PI4KA: variants seen among roughly 807,000 people sequenced by gnomAD.
The protein encoded by PI4KA is PI4-kinase alpha.
In PI4KA, 122 loss-of-function variants were observed where a neutral mutation model predicts 271.4. The ratio of observed to expected loss-of-function variants is 0.45; its 90% CI spans 0.39 to 0.52. PI4KA has a LOEUF of 0.52. Ranked by LOEUF, PI4KA falls within the 20% of genes least tolerant of loss-of-function variation. The pLI is 0.00. For missense variants in PI4KA, 1,969 were observed against 2,769.1 expected, an observed-to-expected ratio of 0.71 and a Z score of 6.48; for synonymous variants, 1,041 against 1,078.8, an observed-to-expected ratio of 0.96 and a Z score of 0.69.
intron 3 of PI4KA, among the ~76,000 whole-genome samples, chr22:20,825,600 A>G (rs1441159565): frequency 6.6e-6 from 1 of 152,180 alleles, no homozygotes; most frequent in East Asian, 1.9e-4. Context: ...CTGTCTCAAA[A>G]AAACAAAAAA....
intron 1 of PI4KA, among the ~76,000 whole-genome samples, chr22:20,853,318 C>A (rs165707): frequency 0.38 from 57,805 of 151,964 alleles, 11,491 homozygotes; most frequent in African/African-American, 0.48. Flanking sequence ...GAGACACAAA[C>A]AGGCCACTGA....
intron 1 of PI4KA, among the ~76,000 whole-genome samples, chr22:20,848,237 CAAAAAAAAAAA>C (rs60503165): frequency 2.0e-4 from 10 of 51,244 alleles, no homozygotes; most frequent in African/African-American, 7.0e-4. Flanking sequence ...GACTCCATCT[CAAAAAAAAAAA>C]AAAAAAAAAA....
chr22:20,820,682 G>T, intron 4 of PI4KA, 71 bp from the exon 5 acceptor site: 1 of 1,037,560 alleles, frequency 9.6e-7, no homozygotes, highest in Non-Finnish European at 1.5e-6. Flanking sequence ...AACTAAGTCA[G>T]AATTAGAAGG....
chr22:20,856,857 C>G (rs1927661217), intron 1 of PI4KA, among the ~76,000 whole-genome samples: 1 of 152,216 alleles, frequency 6.6e-6, no homozygotes, highest in South Asian at 2.1e-4. Context: ...GTGCCCTTTT[C>G]TGAGTTACTG....
At chr22:20,786,873 A>G in intron 19 of PI4KA, 1 of 1,614,152 alleles carries the variant, frequency 6.2e-7, no homozygotes, top group Non-Finnish European at 8.5e-7. Context: ...CTTTCCAAAC[A>G]GTTCAAGCAC....
chr22:20,769,437 A>C (rs760728365), intron 19 of PI4KA, among the ~76,000 whole-genome samples: 11 of 152,222 alleles, frequency 7.2e-5, no homozygotes, highest in Non-Finnish European at 1.2e-4. Context: ...TGGGAGGCCA[A>C]GACAGGCAGA....
intron 32 of PI4KA, among the ~76,000 whole-genome samples, chr22:20,739,237 T>G (rs1929108561): frequency 6.7e-6 from 1 of 150,190 alleles, no homozygotes; most frequent in African/African-American, 2.5e-5. Flanking sequence ...TCTCAGCTAC[T>G]CGGGAGGCTG....
At chr22:20,779,364 TG>T in intron 19 of PI4KA, 1 of 1,614,128 alleles carries the variant, frequency 6.2e-7, no homozygotes, top group Non-Finnish European at 8.5e-7. Context: ...AACATCTGCG[TG>T]GGGTGGGAGC....
At chr22:20,763,638 C>A (rs1006966483) in intron 22 of PI4KA, among the ~76,000 whole-genome samples, 5 of 152,150 alleles carry the variant, frequency 3.3e-5, no homozygotes, top group Non-Finnish European at 7.3e-5. Flanking sequence ...TGGGGTTTCA[C>A]CACGTTGGCC....
chr22:20,733,430 T>G (rs1928304569), intron 35 of PI4KA, among the ~76,000 whole-genome samples: 1 of 149,166 alleles, frequency 6.7e-6, no homozygotes, highest in African/African-American at 2.5e-5. Context: ...TTTGCAATTC[T>G]TCGTGCAATA....
chr22:20,747,191 T>C (rs1405871848), intron 29 of PI4KA, among the ~76,000 whole-genome samples: 2 of 152,226 alleles, frequency 1.3e-5, no homozygotes, highest in African/African-American at 4.8e-5. Flanking sequence ...GTTCAGCACC[T>C]GCAGAAAACA....
chr22:20,800,590 C>T (rs772672663), intron 14 of PI4KA, among the ~76,000 whole-genome samples: 34 of 151,388 alleles, frequency 2.2e-4, no homozygotes, highest in Non-Finnish European at 3.5e-4. Context: ...TAGCCAGGCA[C>T]GGTGGCTCAC....
chr22:20,729,589 G>T, intron 38 of PI4KA, 43 bp downstream of exon 38: 1 of 1,551,724 alleles, frequency 6.4e-7, no homozygotes, highest in Non-Finnish European at 8.7e-7. Context: ...TGTCGTACAG[G>T]CAGGTGGCGG....
intron 14 of PI4KA, 47 bp from the exon 15 acceptor site, chr22:20,799,813 T>C (rs1214461836): frequency 3.2e-6 from 4 of 1,247,024 alleles, no homozygotes; most frequent in East Asian, 2.6e-5. Context: ...CAAACCAAGA[T>C]AGGTTTTTTG....
At chr22:20,740,398 G>A (rs1929283097) in intron 32 of PI4KA, among the ~76,000 whole-genome samples, 1 of 149,584 alleles carries the variant, frequency 6.7e-6, no homozygotes, top group Non-Finnish European at 1.5e-5. Flanking sequence ...AAAAGGAGAA[G>A]AGAGAGAGAA....
chr22:20,855,708 G>A (rs576540217), intron 1 of PI4KA, among the ~76,000 whole-genome samples: 1 of 152,276 alleles, frequency 6.6e-6, no homozygotes, highest in South Asian at 2.1e-4. Context: ...TGCAGTTTGT[G>A]CCCAGGAAAG....
intron 43 of PI4KA, among the ~76,000 whole-genome samples, chr22:20,720,558 A>C (rs1304162915): frequency 6.6e-6 from 1 of 152,190 alleles, no homozygotes; most frequent in Non-Finnish European, 1.5e-5. Context: ...AAAAAATAAA[A>C]CAAAAGCTAC....
At chr22:20,834,743 C>T (rs1346614062) in intron 2 of PI4KA, 88 bp from the exon 3 acceptor site, 2 of 750,728 alleles carry the variant, frequency 2.7e-6, no homozygotes, top group Non-Finnish European at 2.3e-6. Flanking sequence ...CAAAGCAAAG[C>T]ATATCCACAT....
At chr22:20,779,363 G>A (rs139081149) in intron 19 of PI4KA, 6 of 1,614,092 alleles carry the variant, frequency 3.7e-6, no homozygotes, top group Middle Eastern at 1.6e-4. Context: ...TAACATCTGC[G>A]TGGGGTGGGA....
Sources: allele counts gnomAD v4.1 joint callset (sites outside exome capture counted in the v4.1 genomes callset), GRCh38; gene constraint gnomAD v4.1.1; transcripts MANE v1.5; gene names NCBI Gene and HGNC (gene_info 2026-07-23, HGNC 2026-07-21).